MRPL37: variants seen among roughly 807,000 people sequenced by gnomAD.
The protein encoded by MRPL37 is mitochondrial ribosomal protein L37.
A neutral mutation model predicts 44.1 loss-of-function variants in MRPL37; 34 were observed. The ratio of observed to expected loss-of-function variants is 0.77; its 90% confidence interval spans 0.59 to 1.03. The LOEUF is 1.03. Among genes scored for constraint, MRPL37 ranks in the 50% least tolerant of loss-of-function variants. MRPL37 has a pLI of 0.00. For synonymous variants in MRPL37, 212 were observed against 219.5 expected (o/e 0.97, Z 0.30); for missense variants, 532 against 543.7 (o/e 0.98, Z 0.21).
chr1:54,220,080 A>G (rs568459383), downstream of MRPL37, among the ~76,000 whole-genome samples: 129 of 151,848 alleles, frequency 8.5e-4, no homozygotes, highest in Admixed American at 3.7e-3. Flanking sequence ...TTTAAACAAC[A>G]CTCTGTTGGG....
intron 1 of MRPL37, among the ~76,000 whole-genome samples, chr1:54,201,139 C>T (rs530332840): frequency 1.3e-5 from 2 of 152,256 alleles, no homozygotes; most frequent in Non-Finnish European, 2.9e-5. Flanking sequence ...AATTATTTTC[C>T]AGAGTCCATG....
chr1:54,220,119 G>A (rs190938721), downstream of MRPL37, among the ~76,000 whole-genome samples: 3 of 152,236 alleles, frequency 2.0e-5, no homozygotes, highest in Admixed American at 6.5e-5. Context: ...GTGGGATGGC[G>A]GTAGGGAGTC....
At chr1:54,223,511 AG>A (rs1644250476), downstream of MRPL37, among the ~76,000 whole-genome samples, 1 of 152,272 alleles carries the variant, frequency 6.6e-6, no homozygotes, top group South Asian at 2.1e-4. Flanking sequence ...GCTCTGGCCT[AG>A]CGCGTTAGTG....
rs757361373 is a variant in MRPL37 at position 54,212,573 on chromosome 1, A to C, written c.905A>C (p.His302Pro). ...YLLDKANLRP[H>P]RLQPDQLRAK... ...CTGGACAAAGCCAATTTACGACCAC[A>C]CCGCCTTCAACCAGATCAGCTGCGG... The change falls in exon 5 of 7, where the codon CAC becomes CCC. Residue 302 changes from histidine to proline, a missense_variant. Transcript: ENST00000360840. The C allele has an allele frequency of 3.1e-6, 5 of 1,613,978 alleles. No individual in the cohort carries two copies. Among genetic ancestry groups the C allele is most frequent in the Non-Finnish European group, 8.5e-7 (1 of 1,180,016 alleles).
At position 54,205,841 on chromosome 1, in the gene MRPL37, T is replaced by C. The variant is rs570263695; in HGVS notation, c.646+431T>C. On this transcript the variant is annotated intron_variant, in intron 3 of 6. Coordinates refer to ENST00000360840, the MANE Select transcript of MRPL37 (RefSeq NM_016491.4). ...GAGTGATCTTTCTAAAGTGCAAGTC[T>C]TTATGTCCCTGCCCTGTTTCAGATC... 2.6e-5 allele frequency among the ~76,000 whole-genome samples: 4 copies of C among 152,304 alleles called. No individual in the cohort carries two copies. In the East Asian group the frequency reaches 7.7e-4, roughly 29 times the overall value.
At chr1:54,208,601 CCT>C (rs947202225) in intron 3 of MRPL37, among the ~76,000 whole-genome samples, 7 of 149,886 alleles carry the variant, frequency 4.7e-5, no homozygotes, top group Non-Finnish European at 1.0e-4. Context: ...TCTCAGTGCT[CCT>C]CTCTCTCTCC....
chr1:54,218,774 ATAATGTCAAG>A (rs1182706906), downstream of MRPL37, among the ~76,000 whole-genome samples: 5 of 152,236 alleles, frequency 3.3e-5, no homozygotes, highest in East Asian at 9.6e-4. Flanking sequence ...CTCTGTCCAA[ATAATGTCAAG>A]TCCTGATCTG....
intron 1 of MRPL37, among the ~76,000 whole-genome samples, chr1:54,203,467 C>CTTTTTTTT (rs780467512): frequency 1.3e-4 from 13 of 98,872 alleles, no homozygotes; most frequent in Non-Finnish European, 2.0e-4. Context: ...ACTTCATTTA[C>CTTTTTTTT]TTTTTTTTTT....
chr1:54,223,699 A>G (rs1156535421), downstream of MRPL37, among the ~76,000 whole-genome samples: 1 of 151,688 alleles, frequency 6.6e-6, no homozygotes, highest in East Asian at 1.9e-4. Context: ...GACAGCGATG[A>G]CTCCAGCAGG....
Position 54,209,999 on chromosome 1 carries a change from G to A in MRPL37, c.700G>A (p.Asp234Asn). 6.2e-7 allele frequency: 1 copy of A among 1,614,172 alleles called. No individual in the cohort carries two copies. Among genetic ancestry groups the A allele is most frequent in the Non-Finnish European group, 8.5e-7 (1 of 1,180,032 alleles). ...GSGGARLSTK[D>N]PLPTIASREE... Reference sequence around the variant, plus strand: ...TGGTGGAGCCCGACTGAGCACTAAGGATCCTCTGCCCACCATCGCCTCCAG... The same window carrying A: ...TGGTGGAGCCCGACTGAGCACTAAGAATCCTCTGCCCACCATCGCCTCCAG... The change falls in exon 4 of 7, where the codon GAT (aspartate) becomes AAT (asparagine). Residue 234 changes from aspartate (D) to asparagine (N), a missense_variant. By Grantham distance (23) the Asp-to-Asn change is conservative (BLOSUM62 1). Coordinates refer to ENST00000360840, the MANE Select transcript of MRPL37 (RefSeq NM_016491.4).
chr1:54,217,456 G>C (rs763170225), intron 6 of MRPL37, among the ~76,000 whole-genome samples: 1 of 152,132 alleles, frequency 6.6e-6, no homozygotes, highest in South Asian at 2.1e-4. Context: ...GCCTGTTGTG[G>C]TTTGGAGACA....
In MRPL37 at chr1:54,205,051, A is replaced by G. The variant is rs145134957; in HGVS notation, c.380A>G (p.Lys127Arg). Reference protein sequence around the residue: ...VKQALWLTKTKLIEGLPEKVL... With the variant: ...VKQALWLTKTRLIEGLPEKVL... The stretch of plus-strand genomic sequence containing the variant: ...CAGGCCCTCTGGCTCACCAAGACCA[A>G]GTTAATAGAAGGCCTTCCCGAGAAA... The change falls in exon 2 of 7, where the codon AAG becomes AGG. Residue 127 changes from lysine to arginine, a missense_variant. By Grantham distance (26) the Lys-to-Arg change is conservative. Coordinates refer to ENST00000360840, the MANE Select transcript of MRPL37 (RefSeq NM_016491.4). The G allele has an allele frequency of 9.9e-5, 159 of 1,614,052 alleles. No homozygotes were observed. The African/African-American group carries it at 2.0e-3, about 20-fold the overall frequency.
intron 3 of MRPL37, 111 bp downstream of exon 3, chr1:54,205,521 A>G (rs1489084607): frequency 1.7e-5 from 14 of 840,670 alleles, no homozygotes; most frequent in African/African-American, 6.8e-5. Flanking sequence ...CCTTACTCCC[A>G]TCATTCGTGG....
intron 1 of MRPL37, among the ~76,000 whole-genome samples, chr1:54,203,273 T>C (rs1644097427): frequency 6.6e-6 from 1 of 152,062 alleles, no homozygotes; most frequent in Non-Finnish European, 1.5e-5. Flanking sequence ...TCCCACCTCC[T>C]GAGTTACTGG....
Position 54,200,388 on chromosome 1 carries a change from G to T in MRPL37, c.145G>T (p.Val49Leu), listed in dbSNP as rs200221315. ...RKSEPPPLDR[V>L]YEIPGLEPIT... ...GTCGGAGCCTCCTCCCCTGGATAGG[G>T]TGTACGAGATCCCTGGACTGGAGCC... Residue 49 changes from valine (V) to leucine (L), a missense_variant, in exon 1 of 7, where the codon GTG becomes TTG. By Grantham distance (32) the Val-to-Leu change is conservative. Transcript: ENST00000360840. 6.6e-5 allele frequency: 107 copies of T among 1,614,144 alleles called. No individual in the cohort carries two copies. The highest frequency in any genetic ancestry group is 8.8e-5 in the Non-Finnish European group (104 of 1,180,056).
chr1:54,205,485 C>G (rs1644115178), intron 3 of MRPL37, 75 bp downstream of exon 3: 1 of 1,226,170 alleles, frequency 8.2e-7, no homozygotes, highest in African/African-American at 1.5e-5. Context: ...CCACCAGCTC[C>G]CATCCCCCTG....
At chr1:54,219,678 C>T (rs1238718420), downstream of MRPL37, among the ~76,000 whole-genome samples, 5 of 152,322 alleles carry the variant, frequency 3.3e-5, no homozygotes, top group African/African-American at 7.2e-5. Flanking sequence ...AAAGATAAGT[C>T]GACCCACCCA....
chr1:54,201,290 A>C (rs1268154152), intron 1 of MRPL37, among the ~76,000 whole-genome samples: 1 of 152,196 alleles, frequency 6.6e-6, no homozygotes, highest in Admixed American at 6.5e-5. Context: ...AAAAAAGGCA[A>C]ATCTGGCAAG....
At chr1:54,214,132 G>C (rs185633596) in intron 5 of MRPL37, among the ~76,000 whole-genome samples, 2 of 152,194 alleles carry the variant, frequency 1.3e-5, no homozygotes, top group Non-Finnish European at 2.9e-5. Context: ...GCAGTGAGCT[G>C]AAAGATTGCA....
Sources: gnomAD v4.1 joint callset for allele counts (sites outside exome capture counted in the v4.1 genomes callset) on GRCh38, gnomAD v4.1.1 for gene constraint, MANE v1.5 for transcripts, NCBI Gene and HGNC (gene_info 2026-07-23, HGNC 2026-07-21) for gene names.